XKR6: variants seen among roughly 807,000 people sequenced by gnomAD.
XKR6 encodes the protein XK-related protein 6.
A neutral mutation model predicts 56.7 loss-of-function variants in XKR6; 22 were observed. That is an observed-to-expected ratio of 0.39 (90% CI 0.28 to 0.55). XKR6 has a LOEUF of 0.55. Among genes scored for constraint, XKR6 ranks in the 20% least tolerant of loss-of-function variants. The pLI, the probability that XKR6 is intolerant of heterozygous loss-of-function variation, is 0.66. For synonymous variants in XKR6, 524 were observed against 387.8 expected (o/e 1.35, Z -4.13); for missense variants, 852 against 889.0 (o/e 0.96, Z 0.53).
At chr8:10,947,086 T>A (rs1007519822) in intron 1 of XKR6, among the ~76,000 whole-genome samples, 6 of 152,140 alleles carry the variant, frequency 3.9e-5, no homozygotes, top group Non-Finnish European at 5.9e-5. Flanking sequence ...AGGCTCACTC[T>A]GGCTGCAGCT....
At chr8:11,161,258 G>A (rs889652966) in intron 1 of XKR6, among the ~76,000 whole-genome samples, 12 of 152,128 alleles carry the variant, frequency 7.9e-5, no homozygotes, top group Non-Finnish European at 1.3e-4. Flanking sequence ...TCTGAATGGG[G>A]TCTAGAGTTA....
chr8:10,993,027 G>A (rs983833480), intron 1 of XKR6, among the ~76,000 whole-genome samples: 1 of 152,248 alleles, frequency 6.6e-6, no homozygotes, highest in Non-Finnish European at 1.5e-5. Context: ...CACGGAGAAA[G>A]AGAAGTGGGA....
chr8:11,055,460 G>C (rs1799657938), intron 1 of XKR6, among the ~76,000 whole-genome samples: 1 of 152,210 alleles, frequency 6.6e-6, no homozygotes. Context: ...CTGCCTAGAG[G>C]CAGGTCAAGG....
intron 2 of XKR6, among the ~76,000 whole-genome samples, chr8:10,908,931 G>T (rs960078769): frequency 6.6e-6 from 1 of 152,190 alleles, no homozygotes; most frequent in South Asian, 2.1e-4. Context: ...TTGGGAGGCC[G>T]AGGTGGGCAG....
chr8:11,020,021 C>T (rs1798714570), intron 1 of XKR6, among the ~76,000 whole-genome samples: 1 of 152,202 alleles, frequency 6.6e-6, no homozygotes, highest in African/African-American at 2.4e-5. Flanking sequence ...TGGCAGGCCT[C>T]TCCAAGGAAC....
chr8:11,034,937 C>G (rs1453915155), intron 1 of XKR6, among the ~76,000 whole-genome samples: 1 of 152,236 alleles, frequency 6.6e-6, no homozygotes, highest in African/African-American at 2.4e-5. Flanking sequence ...TAGCCAAACC[C>G]TGAGAGGCCA....
At chr8:11,083,926 T>TAA (rs775659258) in intron 1 of XKR6, among the ~76,000 whole-genome samples, 6 of 146,278 alleles carry the variant, frequency 4.1e-5, no homozygotes, top group African/African-American at 1.0e-4. Flanking sequence ...GCTGTTTCGT[T>TAA]AAAAAAAAAA....
chr8:10,983,674 G>A (rs1286435471), intron 1 of XKR6, among the ~76,000 whole-genome samples: 1 of 138,356 alleles, frequency 7.2e-6, no homozygotes, highest in Non-Finnish European at 1.5e-5. Context: ...TTTTTTTTTT[G>A]AGATGGAGTC....
intron 1 of XKR6, among the ~76,000 whole-genome samples, chr8:11,040,132 C>T (rs909615486): frequency 2.0e-5 from 3 of 151,868 alleles, no homozygotes; most frequent in Non-Finnish European, 2.9e-5. Flanking sequence ...GGACCCAGGC[C>T]GGGGGGACCT....
rs76142762 is a variant in XKR6 at position 10,902,627 on chromosome 8, C to A, written c.962-3711G>T. On this transcript the variant is annotated intron_variant, in intron 2 of 2. Transcript: ENST00000416569. ...GGTGGGAGCCTGTTCTGGTGCCCAG[C>A]CATTGGCTCTTCAGGGTTCGAACGC... Among the ~76,000 whole-genome samples, 40 of 152,362 alleles carry A rather than the reference C, an allele frequency of 2.6e-4. No homozygotes were observed. In the East Asian group the frequency reaches 7.5e-3, roughly 29 times the overall value.
chr8:11,015,477 C>A (rs1446768986), intron 1 of XKR6, among the ~76,000 whole-genome samples: 1 of 152,068 alleles, frequency 6.6e-6, no homozygotes, highest in African/African-American at 2.4e-5. Flanking sequence ...TAGAAACCAC[C>A]CCCCACCCCC....
At chr8:10,952,466 T>C (rs1487209696) in intron 1 of XKR6, among the ~76,000 whole-genome samples, 1 of 152,214 alleles carries the variant, frequency 6.6e-6, no homozygotes, top group Non-Finnish European at 1.5e-5. Context: ...TTCTTTTCTT[T>C]TGTTTGAGAC....
chr8:11,199,717 T>C (rs886487196), intron 1 of XKR6, among the ~76,000 whole-genome samples: 2 of 152,158 alleles, frequency 1.3e-5, no homozygotes, highest in African/African-American at 4.8e-5. Context: ...TGCAAGTGGT[T>C]TGTGAGGGAC....
At chr8:11,150,977 T>C (rs1801241633) in intron 1 of XKR6, among the ~76,000 whole-genome samples, 1 of 152,162 alleles carries the variant, frequency 6.6e-6, no homozygotes, top group Non-Finnish European at 1.5e-5. Context: ...CACTGAATGC[T>C]ATTTTGTGCT....
At chr8:11,131,861 C>T (rs879873941) in intron 1 of XKR6, among the ~76,000 whole-genome samples, 1 of 152,180 alleles carries the variant, frequency 6.6e-6, no homozygotes, top group Non-Finnish European at 1.5e-5. Context: ...ACAGGCTATA[C>T]CAGACAGTGT....
At chr8:10,936,258 T>A (rs1287794911) in intron 1 of XKR6, among the ~76,000 whole-genome samples, 1 of 150,682 alleles carries the variant, frequency 6.6e-6, no homozygotes, top group Non-Finnish European at 1.5e-5. Context: ...GCTTGGTAGA[T>A]CTTTCTCCAT....
chr8:10,941,701 C>T (rs4256557), intron 1 of XKR6, among the ~76,000 whole-genome samples: 35,421 of 152,182 alleles, frequency 0.23, 6,145 homozygotes, highest in African/African-American at 0.49. Context: ...TGTGTGGCTA[C>T]GTGGCCTGGG....
intron 1 of XKR6, among the ~76,000 whole-genome samples, chr8:11,050,807 T>C (rs1047585678): frequency 6.6e-5 from 10 of 152,024 alleles, no homozygotes; most frequent in South Asian, 2.1e-4. Flanking sequence ...CCCAGAACCA[T>C]TGGCCCCATT....
At chr8:11,029,529 G>A (rs188384671) in intron 1 of XKR6, among the ~76,000 whole-genome samples, 3 of 152,258 alleles carry the variant, frequency 2.0e-5, no homozygotes, top group Admixed American at 2.0e-4. Flanking sequence ...CTACCAGGAA[G>A]AGGTGGTGCC....
Sources: allele counts gnomAD v4.1 joint callset (sites outside exome capture counted in the v4.1 genomes callset), GRCh38; gene constraint gnomAD v4.1.1; transcripts MANE v1.5; gene names NCBI Gene and HGNC (gene_info 2026-07-23, HGNC 2026-07-21).